Variants in TRMT11 observed in about 807,000 individuals in gnomAD.
TRMT11 encodes tRNA (guanine(10)-N(2))-methyltransferase TRMT11.
In TRMT11, 53 loss-of-function variants were observed where a neutral mutation model predicts 62.8. That is an observed-to-expected ratio of 0.84 (90% CI 0.68 to 1.06). The LOEUF (loss-of-function observed/expected upper bound fraction) is 1.06, where lower values mean the gene tolerates loss of function less well. Among genes scored for constraint, TRMT11 ranks in the 50% least tolerant of loss-of-function variants. The pLI is 0.00. For synonymous variants in TRMT11, 188 were observed against 190.3 expected (o/e 0.99, Z 0.10); for missense variants, 556 against 553.4 (o/e 1.00, Z -0.05).
intron 21 of TRMT11, among the ~76,000 whole-genome samples, chr6:126,145,989 G>T (rs1446722495): frequency 1.3e-5 from 2 of 152,094 alleles, no homozygotes; most frequent in African/African-American, 4.8e-5. Flanking sequence ...TATCCCACAG[G>T]ATTATTTTAT....
At chr6:126,102,866 A>G (rs1777417101) in intron 17 of TRMT11, among the ~76,000 whole-genome samples, 1 of 152,346 alleles carries the variant, frequency 6.6e-6, no homozygotes, top group South Asian at 2.1e-4. Context: ...ACTGAGGATG[A>G]TACCATTACT....
intron 21 of TRMT11, among the ~76,000 whole-genome samples, chr6:126,169,788 TC>T (rs1778310174): frequency 6.6e-6 from 1 of 152,140 alleles, no homozygotes; most frequent in Non-Finnish European, 1.5e-5. Flanking sequence ...ATCTTTCAGG[TC>T]CCAGCTGGTA....
At chr6:126,159,249 G>T (rs922600186) in intron 21 of TRMT11, among the ~76,000 whole-genome samples, 2 of 151,958 alleles carry the variant, frequency 1.3e-5, no homozygotes, top group African/African-American at 4.8e-5. Context: ...TTTCCCCTTT[G>T]TGCTGGCTAG....
At chr6:126,116,163 T>A (rs1461488942) in intron 21 of TRMT11, among the ~76,000 whole-genome samples, 2 of 151,952 alleles carry the variant, frequency 1.3e-5, no homozygotes, top group Admixed American at 6.6e-5. Flanking sequence ...TGCAACAAGG[T>A]GAGCTTTCTA....
chr6:126,243,710 C>G, the TRMT11 span, among the ~76,000 whole-genome samples: 1 of 152,136 alleles, frequency 6.6e-6, no homozygotes, highest in African/African-American at 2.4e-5. Flanking sequence ...CGCATATTCA[C>G]TCATAGGTGG....
At chr6:126,242,729 A>C in the TRMT11 span, among the ~76,000 whole-genome samples, 1 of 152,232 alleles carries the variant, frequency 6.6e-6, no homozygotes, top group Non-Finnish European at 1.5e-5. Flanking sequence ...CTGGTTAGCC[A>C]TATGTAGAAA....
the TRMT11 span, among the ~76,000 whole-genome samples, chr6:126,230,626 G>A: frequency 6.6e-6 from 1 of 152,098 alleles, no homozygotes; most frequent in Non-Finnish European, 1.5e-5. Context: ...GAAATGTTTT[G>A]CAGTTTGTCA....
intron 17 of TRMT11, among the ~76,000 whole-genome samples, chr6:126,089,529 A>C: frequency 6.6e-6 from 1 of 152,310 alleles, no homozygotes; most frequent in South Asian, 2.1e-4. Flanking sequence ...CCCGGGTCAC[A>C]TGGTTACTGA....
intron 17 of TRMT11, among the ~76,000 whole-genome samples, chr6:126,103,112 A>G (rs2128180253): frequency 6.6e-6 from 1 of 152,332 alleles, no homozygotes; most frequent in African/African-American, 2.4e-5. Context: ...CTTCCATCGT[A>G]AACTCTTCCT....
At chr6:126,267,683 A>G in the TRMT11 span, among the ~76,000 whole-genome samples, 1 of 151,972 alleles carries the variant, frequency 6.6e-6, no homozygotes, top group African/African-American at 2.4e-5. Flanking sequence ...CTTAAGAAAA[A>G]TGAGCAAGAA....
intron 1 of TRMT11, among the ~76,000 whole-genome samples, chr6:126,194,326 T>G (rs971552000): frequency 9.2e-5 from 14 of 152,200 alleles, no homozygotes; most frequent in African/African-American, 2.9e-4. Flanking sequence ...TATGTTTGAG[T>G]TCTTCGGTAT....
chr6:126,113,862 A>G lies in TRMT11; in HGVS notation c.*1527-843A>G, dbSNP rs142324266. Among the ~76,000 whole-genome samples the G allele has an allele frequency of 2.0e-5, 3 of 152,124 alleles. No homozygotes were observed. The East Asian group carries it at 5.8e-4, about 30-fold the overall frequency. ...AATCTGCAGTTTCAAAAGATCCTCA[A>G]TAATCTGAGCAGATTCTGATTCAGT... is the stretch of plus-strand genomic sequence containing the variant. On this transcript the variant is annotated intron_variant and NMD_transcript_variant, in intron 18 of 22. Coordinates refer to the TRMT11 transcript ENST00000648977.
intron 16 of TRMT11, among the ~76,000 whole-genome samples, chr6:126,045,575 A>G (rs1330621352): frequency 2.0e-5 from 3 of 152,244 alleles, no homozygotes; most frequent in Non-Finnish European, 4.4e-5. Flanking sequence ...AAGTAGGTCC[A>G]GTGATAGTTA....
intron 17 of TRMT11, among the ~76,000 whole-genome samples, chr6:126,067,126 G>C (rs923310786): frequency 1.3e-5 from 2 of 151,530 alleles, no homozygotes; most frequent in African/African-American, 4.9e-5. Flanking sequence ...TATTCAGGAG[G>C]CTGAGGCAGG....
At position 126,147,362 on chromosome 6, in the gene TRMT11, G is replaced by A. The variant is rs1777985822; in HGVS notation, c.*1824-27463G>A. Among the ~76,000 whole-genome samples the A allele has an allele frequency of 3.9e-5, 6 of 152,078 alleles. No homozygotes were observed. The South Asian group carries it at 1.2e-3, about 31-fold the overall frequency. ...ATGTCATGTCACTTTAAATCTCTAAGAATCTTGGTTTACTATTCAGCTGTT... is the reference window on the plus strand; with the variant it reads ...ATGTCATGTCACTTTAAATCTCTAAAAATCTTGGTTTACTATTCAGCTGTT... On this transcript the variant is annotated intron_variant and NMD_transcript_variant, in intron 21 of 22. Coordinates refer to the TRMT11 transcript ENST00000648977.
intron 16 of TRMT11, among the ~76,000 whole-genome samples, chr6:126,046,719 G>T (rs962876694): frequency 3.9e-5 from 6 of 152,148 alleles, no homozygotes; most frequent in Admixed American, 6.5e-5. Context: ...CAACTGATAG[G>T]GTTTGGGCAA....
intron 16 of TRMT11, among the ~76,000 whole-genome samples, chr6:126,048,610 C>T (rs572465141): frequency 6.6e-6 from 1 of 152,304 alleles, no homozygotes; most frequent in South Asian, 2.1e-4. Flanking sequence ...ATCATTGCTG[C>T]CTGGATCCAT....
At chr6:126,056,449 C>T (rs961964852) in intron 17 of TRMT11, among the ~76,000 whole-genome samples, 8 of 152,184 alleles carry the variant, frequency 5.3e-5, no homozygotes, top group Admixed American at 4.6e-4. Flanking sequence ...TTCAGATCCT[C>T]TCTTGAATTC....
chr6:126,099,773 G>T lies in TRMT11; in HGVS notation c.*1438-13093G>T, dbSNP rs144789062. Among the ~76,000 whole-genome samples, 21 of 152,282 alleles carry T rather than the reference G, an allele frequency of 1.4e-4. No individual in the cohort carries two copies. In the East Asian group the frequency reaches 3.7e-3, roughly 27 times the overall value. On this transcript the variant is annotated intron_variant and NMD_transcript_variant, in intron 17 of 22. Transcript: ENST00000648977. ...AAAAACAAAACAAACAAACAAAAAAGAAGTAGAATAAACAATTGTTATTTT... is the reference window on the plus strand; with the variant it reads ...AAAAACAAAACAAACAAACAAAAAATAAGTAGAATAAACAATTGTTATTTT...
Sources: allele counts gnomAD v4.1 joint callset (sites outside exome capture counted in the v4.1 genomes callset), GRCh38; gene constraint gnomAD v4.1.1; transcripts MANE v1.5; gene names NCBI Gene and HGNC (gene_info 2026-07-23, HGNC 2026-07-21).